LIPA: variants seen among roughly 807,000 people sequenced by gnomAD.
The protein encoded by LIPA is lipase A, lysosomal acid type.
In LIPA, 26 loss-of-function variants were observed where a neutral mutation model predicts 40.6. The ratio of observed to expected loss-of-function variants is 0.64; its 90% CI spans 0.47 to 0.89. LIPA has a LOEUF of 0.89. Ranked by LOEUF, LIPA falls within the 40% of genes least tolerant of loss-of-function variation. The probability of loss-of-function intolerance (pLI) is 0.00; values close to 1 mark genes in which losing one functional copy is unlikely to be tolerated. For synonymous variants in LIPA, 188 were observed against 168.4 expected (o/e 1.12, Z -0.90); for missense variants, 455 against 479.6 (o/e 0.95, Z 0.48).
At chr10:89,227,517 G>C (rs1475263581) in intron 4 of LIPA, among the ~76,000 whole-genome samples, 1 of 152,186 alleles carries the variant, frequency 6.6e-6, no homozygotes, top group Non-Finnish European at 1.5e-5. Flanking sequence ...TTTAAAAATG[G>C]GAAGCAAGCC....
At chr10:89,402,539 C>G in intron 2 of LIPA, 1 of 1,614,068 alleles carries the variant, frequency 6.2e-7, no homozygotes, top group Non-Finnish European at 8.5e-7. Context: ...AACATGACAA[C>G]CAAGCAAATG....
At chr10:89,367,066 A>C (rs1047639028) in intron 2 of LIPA, among the ~76,000 whole-genome samples, 1 of 152,008 alleles carries the variant, frequency 6.6e-6, no homozygotes, top group Admixed American at 6.6e-5. Flanking sequence ...TCAGCAAACT[A>C]TCTCAAGGAC....
intron 1 of LIPA, among the ~76,000 whole-genome samples, chr10:89,281,390 T>C (rs887842772): frequency 1.3e-5 from 2 of 152,224 alleles, no homozygotes; most frequent in African/African-American, 4.8e-5. Context: ...ACTTGTTGTA[T>C]TCAGTGTTGA....
At chr10:89,346,433 G>A (rs375074837), upstream of LIPA, among the ~76,000 whole-genome samples, 203 of 152,288 alleles carry the variant, frequency 1.3e-3, no homozygotes, top group African/African-American at 4.5e-3. Context: ...TTTGTTCACA[G>A]TGTCATAATT....
intron 1 of LIPA, among the ~76,000 whole-genome samples, chr10:89,337,675 A>G (rs912470383): frequency 1.3e-5 from 2 of 152,220 alleles, no homozygotes; most frequent in African/African-American, 4.8e-5. Context: ...CTAGGACTAC[A>G]GGCATGAGTC....
chr10:89,294,402 G>A (rs922269326), intron 1 of LIPA, among the ~76,000 whole-genome samples: 2 of 152,206 alleles, frequency 1.3e-5, no homozygotes, highest in Non-Finnish European at 2.9e-5. Flanking sequence ...TCTGGCCAGG[G>A]CCCTCTTACT....
upstream of LIPA, among the ~76,000 whole-genome samples, chr10:89,344,762 AG>A (rs1843903903): frequency 6.6e-6 from 1 of 152,242 alleles, no homozygotes; most frequent in African/African-American, 2.4e-5. Context: ...AGTTTGATAA[AG>A]TTCCAAGGAA....
chr10:89,238,785 T>C (rs969130939), intron 3 of LIPA, among the ~76,000 whole-genome samples: 2 of 152,244 alleles, frequency 1.3e-5, no homozygotes, highest in Non-Finnish European at 2.9e-5. Context: ...ATAATACATA[T>C]AACATATAAA....
rs184624731 is a variant in LIPA at position 89,214,583 on chromosome 10, A to T, written c.*245T>A. 6 of 454,914 alleles carry T rather than the reference A, an allele frequency of 1.3e-5. No individual in the cohort carries two copies. In the East Asian group the frequency reaches 2.1e-4, roughly 16 times the overall value. The allele number at this position is 454,914 out of a possible 1,614,324, so 28.2% of individuals were successfully genotyped here. A position where few individuals can be genotyped will look rare whatever the true frequency, so the allele number is the denominator to read the frequency against. On this transcript the variant is annotated 3_prime_UTR_variant, in exon 10 of 10. Transcript: ENST00000336233. ...TTTACACATCAGTGATATTTAAAAG[A>T]CTTAAAGAGACAATACTATGGTTGA... is the stretch of plus-strand genomic sequence containing the variant.
At chr10:89,280,831 G>A (rs1843310830) in intron 1 of LIPA, among the ~76,000 whole-genome samples, 1 of 151,910 alleles carries the variant, frequency 6.6e-6, no homozygotes. Flanking sequence ...TTCTGAAGTT[G>A]GTTTCAATGG....
intron 1 of LIPA, among the ~76,000 whole-genome samples, chr10:89,331,835 G>A (rs1179683592): frequency 1.4e-5 from 2 of 141,452 alleles, no homozygotes; most frequent in Non-Finnish European, 3.0e-5. Context: ...CTCCAGCCTG[G>A]ATGACAGAGT....
chr10:89,252,518 C>G (rs546197720), upstream of LIPA, among the ~76,000 whole-genome samples: 1 of 152,172 alleles, frequency 6.6e-6, no homozygotes, highest in South Asian at 2.1e-4. Flanking sequence ...CAACAACAAA[C>G]AACAAGGGGC....
chr10:89,214,693 C>T lies in LIPA; in HGVS notation c.*135G>A, dbSNP rs1842597194. On this transcript the variant is annotated 3_prime_UTR_variant, in exon 10 of 10. Transcript: ENST00000336233. ...GAAACTAGAGTGAACTGGGCATCTT[C>T]AAAGTTATCATTTTCTTGGATATAA... 6.1e-6 allele frequency: 4 copies of T among 653,952 alleles called. No homozygotes were observed. In the South Asian group the frequency reaches 7.2e-5, roughly 12 times the overall value. 40.5% of individuals were successfully genotyped at this position (653,952 alleles called of 1,614,324 possible).
At chr10:89,279,121 C>A (rs574999451) in intron 1 of LIPA, among the ~76,000 whole-genome samples, 5 of 152,228 alleles carry the variant, frequency 3.3e-5, no homozygotes, top group South Asian at 4.1e-4. Flanking sequence ...AATAGAATAA[C>A]CCCCAAAGGG....
chr10:89,388,181 C>T (rs566425305), intron 2 of LIPA, among the ~76,000 whole-genome samples: 36 of 152,282 alleles, frequency 2.4e-4, no homozygotes, highest in African/African-American at 8.4e-4. Flanking sequence ...TCTCAGCTCA[C>T]TGCAATCTCC....
At chr10:89,336,038 T>C (rs1843733221) in intron 1 of LIPA, among the ~76,000 whole-genome samples, 1 of 151,876 alleles carries the variant, frequency 6.6e-6, no homozygotes. Flanking sequence ...CACTTTGGTA[T>C]GTCGAGGCAG....
At chr10:89,359,852 C>A (rs77875170) in intron 2 of LIPA, among the ~76,000 whole-genome samples, 2 of 149,000 alleles carry the variant, frequency 1.3e-5, no homozygotes, top group African/African-American at 2.4e-5. Flanking sequence ...CAAACACACA[C>A]ACACACAATG....
chr10:89,402,897 C>G (rs760790798), intron 2 of LIPA: 2 of 1,614,206 alleles, frequency 1.2e-6, no homozygotes, highest in Non-Finnish European at 1.7e-6. Flanking sequence ...TCCCCTAAGG[C>G]AGGCTGTCCG....
Position 89,269,437 on chromosome 10 carries a change from A to G in LIPA, c.-1-21788T>C, listed in dbSNP as rs190756086. On this transcript the variant is annotated intron_variant, in intron 1 of 5. Coordinates refer to the LIPA transcript ENST00000282673. ...TCCTAGAAACAAAACTTTTAGGTCTAATGTAGGTATATCTTTAAGGATTTT... is the reference window on the plus strand; with the variant it reads ...TCCTAGAAACAAAACTTTTAGGTCTGATGTAGGTATATCTTTAAGGATTTT... 1.7e-3 allele frequency among the ~76,000 whole-genome samples: 252 copies of G among 152,318 alleles called. 1 individual carries two copies. Among genetic ancestry groups the G allele is most frequent in the African/African-American group, 5.7e-3 (235 of 41,566 alleles).
Sources: gnomAD v4.1 joint callset for allele counts (sites outside exome capture counted in the v4.1 genomes callset) on GRCh38, gnomAD v4.1.1 for gene constraint, MANE v1.5 for transcripts, NCBI Gene and HGNC (gene_info 2026-07-23, HGNC 2026-07-21) for gene names.